Variants in STXBP5L observed in about 807,000 individuals in gnomAD.
STXBP5L encodes the protein syntaxin binding protein 5L, also known as syntaxin-binding protein 5-like.
In STXBP5L, 65 loss-of-function variants were observed where a neutral mutation model predicts 144.5. The observed-to-expected ratio is 0.45, with a 90% CI of 0.37 to 0.55. The LOEUF is 0.55. Ranked by LOEUF, STXBP5L falls within the 20% of genes least tolerant of loss-of-function variation. The pLI is 0.00. For missense variants in STXBP5L, 1,298 were observed against 1,405.5 expected, an observed-to-expected ratio of 0.92 and a Z score of 1.22; for synonymous variants, 505 against 469.6, an observed-to-expected ratio of 1.08 and a Z score of -0.97.
At chr3:120,914,848 A>G (rs553334317) in intron 2 of STXBP5L, among the ~76,000 whole-genome samples, 14 of 152,260 alleles carry the variant, frequency 9.2e-5, no homozygotes, top group African/African-American at 3.4e-4. Flanking sequence ...AACAAGCGTA[A>G]TAACCAGAAA....
At chr3:121,231,657 T>A (rs548959485) in intron 11 of STXBP5L, among the ~76,000 whole-genome samples, 5 of 152,202 alleles carry the variant, frequency 3.3e-5, no homozygotes, top group Non-Finnish European at 7.4e-5. Context: ...TATATATATT[T>A]TGGGTCTGCA....
intron 7 of STXBP5L, among the ~76,000 whole-genome samples, chr3:121,134,818 G>T (rs111622969): frequency 0.12 from 18,257 of 152,156 alleles, 1,155 homozygotes; most frequent in Non-Finnish European, 0.14. Flanking sequence ...ATGGGCATTT[G>T]GGTTGGTTCC....
At chr3:121,348,973 T>A (rs2045140715) in intron 20 of STXBP5L, among the ~76,000 whole-genome samples, 1 of 152,134 alleles carries the variant, frequency 6.6e-6, no homozygotes, top group Admixed American at 6.6e-5. Context: ...TCTGCTCTGA[T>A]GTTAGTTATT....
At chr3:121,157,468 T>C in intron 8 of STXBP5L, 36 bp from the exon 9 acceptor site, 1 of 1,539,758 alleles carries the variant, frequency 6.5e-7, no homozygotes, top group South Asian at 1.3e-5. Context: ...ATCTACTTTT[T>C]TCCCCCTCTA....
At chr3:121,189,933 CTT>C (rs2047569581) in intron 9 of STXBP5L, among the ~76,000 whole-genome samples, 1 of 152,166 alleles carries the variant, frequency 6.6e-6, no homozygotes, top group Non-Finnish European at 1.5e-5. Flanking sequence ...CTGTTCCTCT[CTT>C]TCATAGAAAG....
At chr3:120,944,252 A>C (rs957399550) in intron 2 of STXBP5L, among the ~76,000 whole-genome samples, 21 of 151,742 alleles carry the variant, frequency 1.4e-4, no homozygotes, top group African/African-American at 4.8e-4. Flanking sequence ...TTAAGTAAAA[A>C]TACAAAAATA....
intron 5 of STXBP5L, among the ~76,000 whole-genome samples, chr3:121,077,435 C>T (rs111954245): frequency 0.019 from 2,943 of 152,138 alleles, 91 homozygotes; most frequent in African/African-American, 0.066. Context: ...CTGGTGGATT[C>T]GTGGTCTCGC....
intron 14 of STXBP5L, among the ~76,000 whole-genome samples, chr3:121,249,021 T>C (rs2049949073): frequency 6.6e-6 from 1 of 152,204 alleles, no homozygotes. Context: ...TTTGTACCAG[T>C]ACCATGCTGT....
intron 3 of STXBP5L, among the ~76,000 whole-genome samples, chr3:121,024,210 TA>T (rs1348361492): frequency 2.0e-5 from 3 of 152,164 alleles, no homozygotes; most frequent in Non-Finnish European, 4.4e-5. Context: ...TAAAGAACTT[TA>T]AAAACTCAAC....
chr3:121,154,678 T>C (rs988215046), intron 8 of STXBP5L, among the ~76,000 whole-genome samples: 7 of 151,798 alleles, frequency 4.6e-5, no homozygotes, highest in African/African-American at 1.7e-4. Flanking sequence ...AAAAAGAACA[T>C]CCATATATCT....
chr3:120,994,013 C>A (rs1576602048), intron 3 of STXBP5L, among the ~76,000 whole-genome samples: 1 of 152,010 alleles, frequency 6.6e-6, no homozygotes, highest in East Asian at 1.9e-4. Context: ...GGTCTTTCAA[C>A]TCCTTTGTTA....
At chr3:121,075,208 C>T (rs892615570) in intron 5 of STXBP5L, among the ~76,000 whole-genome samples, 1 of 152,134 alleles carries the variant, frequency 6.6e-6, no homozygotes, top group African/African-American at 2.4e-5. Context: ...TTGCCTCTAT[C>T]CTTTTCTCTC....
At chr3:121,008,614 G>A (rs1285031643) in intron 3 of STXBP5L, among the ~76,000 whole-genome samples, 1 of 151,902 alleles carries the variant, frequency 6.6e-6, no homozygotes, top group Non-Finnish European at 1.5e-5. Context: ...ATAGTATCAT[G>A]TTTAAGCTGG....
chr3:120,977,035 G>T (rs1215077039), intron 3 of STXBP5L, among the ~76,000 whole-genome samples: 1 of 152,138 alleles, frequency 6.6e-6, no homozygotes, highest in East Asian at 1.9e-4. Flanking sequence ...ATTTGGGGTG[G>T]AGAGTTCTGT....
chr3:120,952,158 G>A (rs1157557297), intron 2 of STXBP5L, among the ~76,000 whole-genome samples: 1 of 148,776 alleles, frequency 6.7e-6, no homozygotes, highest in Non-Finnish European at 1.5e-5. Flanking sequence ...ACTGTTGTGG[G>A]GTGGGGGGAT....
At chr3:120,970,148 C>A (rs930224153) in intron 3 of STXBP5L, among the ~76,000 whole-genome samples, 1 of 151,932 alleles carries the variant, frequency 6.6e-6, no homozygotes, top group Non-Finnish European at 1.5e-5. Context: ...TGTTTCTTAA[C>A]CAGTTATTGT....
chr3:121,279,778 T>C (rs554043454), intron 18 of STXBP5L, 27 bp from the exon 19 acceptor site: 1 of 1,608,778 alleles, frequency 6.2e-7, no homozygotes, highest in South Asian at 1.1e-5. Flanking sequence ...TGTGATACAT[T>C]CTAGTTGTAT....
At chr3:121,099,622 A>T (rs1576953513) in intron 5 of STXBP5L, 1 of 152,976 alleles carries the variant, frequency 6.5e-6, no homozygotes, top group South Asian at 2.1e-4. Context: ...AAAGACATCC[A>T]TACTCTGCAG....
At chr3:121,351,522 C>G (rs2108613172) in intron 20 of STXBP5L, among the ~76,000 whole-genome samples, 1 of 152,246 alleles carries the variant, frequency 6.6e-6, no homozygotes, top group South Asian at 2.1e-4. Context: ...CCTTTGCCCA[C>G]TTTTTGATGG....
Sources: allele counts gnomAD v4.1 joint callset (sites outside exome capture counted in the v4.1 genomes callset), GRCh38; gene constraint gnomAD v4.1.1; transcripts MANE v1.5; gene names NCBI Gene and HGNC (gene_info 2026-07-23, HGNC 2026-07-21).